The following NR6A1 variants were observed in gnomAD, a reference collection of about 807,000 sequenced individuals.
NR6A1 encodes the protein nuclear receptor subfamily 6 group A member 1.
In NR6A1, 7 loss-of-function variants were observed where a neutral mutation model predicts 59.1. The ratio of observed to expected loss-of-function variants is 0.12; its 90% confidence interval spans 0.07 to 0.22. NR6A1 has a LOEUF of 0.22. NR6A1 is among the 10% of genes least tolerant of loss of function. The probability of loss-of-function intolerance (pLI) is 1.00; values close to 1 mark genes in which losing one functional copy is unlikely to be tolerated. For synonymous variants in NR6A1, 243 were observed against 236.1 expected (o/e 1.03, Z -0.27); for missense variants, 468 against 611.6 (o/e 0.77, Z 2.48).
chr9:124,675,911 C>T (rs370427701), intron 2 of NR6A1, among the ~76,000 whole-genome samples: 12 of 152,252 alleles, frequency 7.9e-5, no homozygotes, highest in African/African-American at 2.6e-4. Flanking sequence ...CTTGCCGGTA[C>T]GTGTAGGTGT....
At chr9:124,728,428 G>A (rs536878436) in intron 2 of NR6A1, among the ~76,000 whole-genome samples, 1 of 152,068 alleles carries the variant, frequency 6.6e-6, no homozygotes, top group Non-Finnish European at 1.5e-5. Context: ...GAGGTCAGGA[G>A]TTCAAGACCA....
At chr9:124,682,686 A>G (rs1207616032) in intron 2 of NR6A1, among the ~76,000 whole-genome samples, 1 of 152,202 alleles carries the variant, frequency 6.6e-6, no homozygotes, top group African/African-American at 2.4e-5. Flanking sequence ...TAATTTCTAG[A>G]AAGTAGCTAT....
chr9:124,713,086 A>T (rs1839322979), intron 2 of NR6A1, among the ~76,000 whole-genome samples: 1 of 152,228 alleles, frequency 6.6e-6, no homozygotes, highest in African/African-American at 2.4e-5. Context: ...GGAATAAAAT[A>T]GGGAGCCCAG....
intron 2 of NR6A1, among the ~76,000 whole-genome samples, chr9:124,698,970 C>T (rs907229998): frequency 3.9e-5 from 6 of 152,088 alleles, no homozygotes; most frequent in East Asian, 1.9e-4. Flanking sequence ...GGGCAAAAAA[C>T]GGTAGGTATA....
At chr9:124,681,591 C>T (rs184439988) in intron 2 of NR6A1, among the ~76,000 whole-genome samples, 2 of 152,144 alleles carry the variant, frequency 1.3e-5, no homozygotes, top group East Asian at 1.9e-4. Flanking sequence ...CTGCCCACCT[C>T]GGTCTCCCAA....
intron 1 of NR6A1, among the ~76,000 whole-genome samples, chr9:124,763,585 A>G (rs1840840444): frequency 6.6e-6 from 1 of 152,266 alleles, no homozygotes; most frequent in Non-Finnish European, 1.5e-5. Flanking sequence ...ATGAATGGTC[A>G]AAGAATGACA....
At chr9:124,738,585 G>A (rs1840081493) in intron 1 of NR6A1, among the ~76,000 whole-genome samples, 2 of 152,178 alleles carry the variant, frequency 1.3e-5, no homozygotes, top group African/African-American at 4.8e-5. Flanking sequence ...AAAGGACACG[G>A]GGGCCGGGCA....
chr9:124,741,697 A>T (rs1312618687), intron 1 of NR6A1, among the ~76,000 whole-genome samples: 1 of 152,236 alleles, frequency 6.6e-6, no homozygotes, highest in East Asian at 1.9e-4. Context: ...TATGGGACAG[A>T]TGGACATGAT....
intron 2 of NR6A1, chr9:124,599,719 C>CGG: frequency 2.0e-6 from 1 of 489,864 alleles, no homozygotes; most frequent in African/African-American, 2.2e-5. Context: ...AGTTAACCAC[C>CGG]AAGAGATTGT....
At chr9:124,634,678 T>G (rs1320727620) in intron 2 of NR6A1, among the ~76,000 whole-genome samples, 1 of 152,072 alleles carries the variant, frequency 6.6e-6, no homozygotes, top group Non-Finnish European at 1.5e-5. Flanking sequence ...AACAATTAGC[T>G]GGGCATGGTG....
At chr9:124,590,456 C>T (rs543359477) in intron 2 of NR6A1, among the ~76,000 whole-genome samples, 28 of 152,252 alleles carry the variant, frequency 1.8e-4, no homozygotes, top group South Asian at 8.3e-4. Context: ...AAAAGCTCCA[C>T]TTTTTAAGTG....
At chr9:124,763,196 G>C (rs924343384) in intron 1 of NR6A1, among the ~76,000 whole-genome samples, 1 of 152,082 alleles carries the variant, frequency 6.6e-6, no homozygotes, top group Non-Finnish European at 1.5e-5. Context: ...TGTACTCAAG[G>C]GTCAAGATTT....
intron 1 of NR6A1, among the ~76,000 whole-genome samples, chr9:124,746,636 A>G (rs1012503861): frequency 2.0e-5 from 3 of 152,226 alleles, no homozygotes; most frequent in South Asian, 2.1e-4. Context: ...AAATTTTTAA[A>G]AACTATTCAA....
chr9:124,709,817 C>T (rs989706365), intron 2 of NR6A1, among the ~76,000 whole-genome samples: 1 of 151,864 alleles, frequency 6.6e-6, no homozygotes, highest in African/African-American at 2.4e-5. Context: ...CACCTATAAC[C>T]CCAGCTACTC....
intron 3 of NR6A1, among the ~76,000 whole-genome samples, chr9:124,550,303 T>C (rs1489921951): frequency 6.6e-6 from 1 of 152,172 alleles, no homozygotes; most frequent in African/African-American, 2.4e-5. Flanking sequence ...CTGTTGACAC[T>C]GATGCCACTT....
intron 2 of NR6A1, among the ~76,000 whole-genome samples, chr9:124,701,723 C>G (rs1838956853): frequency 6.6e-6 from 1 of 152,072 alleles, no homozygotes; most frequent in African/African-American, 2.4e-5. Context: ...ACTCCTTTAT[C>G]AGATTTTTTT....
chr9:124,625,856 A>G (rs566225827), intron 2 of NR6A1, among the ~76,000 whole-genome samples: 10 of 152,308 alleles, frequency 6.6e-5, no homozygotes, highest in African/African-American at 1.9e-4. Flanking sequence ...CCTCCCTCCT[A>G]CAAGAGAGAA....
At chr9:124,634,369 T>C (rs1317486630) in intron 2 of NR6A1, among the ~76,000 whole-genome samples, 1 of 152,216 alleles carries the variant, frequency 6.6e-6, no homozygotes, top group East Asian at 1.9e-4. Flanking sequence ...AATTAACATG[T>C]GTGATCTTGC....
rs116891839 is a variant in NR6A1, at chr9:124,538,800, A to G, written c.597-481T>C. Among the ~76,000 whole-genome samples the G allele has an allele frequency of 3.9e-3, 598 of 152,234 alleles. 3 individuals are homozygous for G. Among genetic ancestry groups the G allele is most frequent in the Non-Finnish European group, 6.8e-3 (462 of 68,020 alleles). ...AATAGTCCAAGGAAAGAACAAACGA[A>G]GGGGCACCTGAATGGGATAAAAGCT... is the stretch of plus-strand genomic sequence containing the variant. On this transcript the variant is annotated intron_variant, in intron 5 of 9. Coordinates refer to ENST00000487099, the MANE Select transcript of NR6A1 (RefSeq NM_033334.4).
Sources: gnomAD v4.1 joint callset for allele counts (sites outside exome capture counted in the v4.1 genomes callset) on GRCh38, gnomAD v4.1.1 for gene constraint, MANE v1.5 for transcripts, NCBI Gene and HGNC (gene_info 2026-07-23, HGNC 2026-07-21) for gene names.